Variants in ABCD2 observed in about 807,000 individuals in gnomAD.
ABCD2 encodes ATP-binding cassette sub-family D member 2.
A neutral mutation model predicts 70.9 loss-of-function variants in ABCD2; 36 were observed. The observed-to-expected ratio is 0.51, with a 90% CI of 0.39 to 0.67. The LOEUF (loss-of-function observed/expected upper bound fraction) is 0.67, where lower values mean the gene tolerates loss of function less well. Among genes scored for constraint, ABCD2 ranks in the 30% least tolerant of loss-of-function variants. The probability of loss-of-function intolerance (pLI) is 0.00; values close to 1 mark genes in which losing one functional copy is unlikely to be tolerated. For missense variants in ABCD2, 729 were observed against 890.2 expected (o/e 0.82, Z 2.30); for synonymous variants, 304 against 306.9 (o/e 0.99, Z 0.10).
chr12:39,549,689 T>C (rs1036470043), downstream of ABCD2, among the ~76,000 whole-genome samples: 5 of 151,966 alleles, frequency 3.3e-5, no homozygotes, highest in African/African-American at 1.2e-4. Flanking sequence ...GTAAAAATTA[T>C]ACTTAATATT....
At chr12:39,544,611 C>T in the ABCD2 span, among the ~76,000 whole-genome samples, 4 of 152,096 alleles carry the variant, frequency 2.6e-5, no homozygotes, top group Non-Finnish European at 5.9e-5. Context: ...TCACTGTCTC[C>T]GTCATAATTT....
intron 6 of ABCD2, among the ~76,000 whole-genome samples, chr12:39,595,869 T>A (rs374654334): frequency 1.3e-5 from 2 of 152,176 alleles, no homozygotes; most frequent in Non-Finnish European, 2.9e-5. Context: ...AGAGAGCAGG[T>A]TGAGCTCCTT....
rs369664152 is a variant in ABCD2, at chr12:39,562,169, A to G, written c.2004-8038T>C. On this transcript the variant is annotated intron_variant, in intron 9 of 9. Coordinates refer to ENST00000308666, the MANE Select transcript of ABCD2 (RefSeq NM_005164.4). ...CAAAAATGGAAACACAACATACCAA[A>G]TCTGTAGAATACAGCAAAAGCAATT... 3.9e-5 allele frequency among the ~76,000 whole-genome samples: 6 copies of G among 152,262 alleles called. No individual in the cohort carries two copies. The South Asian group carries it at 6.2e-4, about 16-fold the overall frequency.
chr12:39,573,650 CA>C (rs1353097776), intron 9 of ABCD2, 65 bp downstream of exon 9: 5 of 1,549,428 alleles, frequency 3.2e-6, no homozygotes, highest in Non-Finnish European at 4.4e-6. Context: ...AAAAATTTAG[CA>C]AAGTTATTTT....
chr12:39,560,020 TTTTA>T (rs1156820224), intron 9 of ABCD2, among the ~76,000 whole-genome samples: 3 of 152,222 alleles, frequency 2.0e-5, no homozygotes, highest in Non-Finnish European at 4.4e-5. Context: ...TATTTCTTTT[TTTTA>T]TTATACTTTA....
At chr12:39,587,011 G>C (rs1305974203) in intron 6 of ABCD2, among the ~76,000 whole-genome samples, 1 of 152,188 alleles carries the variant, frequency 6.6e-6, no homozygotes, top group Non-Finnish European at 1.5e-5. Flanking sequence ...AACTCTTACA[G>C]AGGGGATTTG....
At chr12:39,535,400 TCTGA>T in the ABCD2 span, among the ~76,000 whole-genome samples, 1 of 152,226 alleles carries the variant, frequency 6.6e-6, no homozygotes, top group African/African-American at 2.4e-5. Context: ...TTAAAAGTTT[TCTGA>T]CTTTCAAACT....
chr12:39,560,337 A>T (rs1315493687), intron 9 of ABCD2, among the ~76,000 whole-genome samples: 3 of 152,196 alleles, frequency 2.0e-5, no homozygotes, highest in African/African-American at 7.2e-5. Context: ...AAAGGACATG[A>T]ACTCATCCTT....
chr12:39,600,532 A>T (rs1464618247), intron 6 of ABCD2, 39 bp downstream of exon 6: 1 of 1,503,166 alleles, frequency 6.7e-7, no homozygotes, highest in Admixed American at 2.2e-5. Context: ...TCAAGAGCAA[A>T]AGGAAATTGT....
At chr12:39,588,485 C>T (rs952485256) in intron 6 of ABCD2, among the ~76,000 whole-genome samples, 1 of 152,024 alleles carries the variant, frequency 6.6e-6, no homozygotes, top group Non-Finnish European at 1.5e-5. Context: ...GAGTTACTGC[C>T]GCCACAAACG....
At chr12:39,534,924 GAAAGAA>G in the ABCD2 span, among the ~76,000 whole-genome samples, 1 of 97,160 alleles carries the variant, frequency 1.0e-5, no homozygotes, top group Non-Finnish European at 1.9e-5. Context: ...AAGAAAGAAA[GAAAGAA>G]AGAAAGAAAG....
chr12:39,538,610 T>C, the ABCD2 span, among the ~76,000 whole-genome samples: 7 of 152,172 alleles, frequency 4.6e-5, no homozygotes, highest in African/African-American at 1.4e-4. Flanking sequence ...TTTGCCAACG[T>C]CTTCCATTAA....
intron 3 of ABCD2, among the ~76,000 whole-genome samples, 166 bp from the exon 4 acceptor site, chr12:39,605,096 GA>G (rs1941952215): frequency 6.6e-6 from 1 of 151,934 alleles, no homozygotes; most frequent in African/African-American, 2.4e-5. Context: ...CAGTACAAAA[GA>G]GCACTATAAC....
intron 3 of ABCD2, among the ~76,000 whole-genome samples, chr12:39,605,990 T>G (rs948932113): frequency 9.2e-5 from 14 of 152,202 alleles, no homozygotes; most frequent in African/African-American, 3.1e-4. Flanking sequence ...TTATAGCTAT[T>G]TAAATGATGA....
intron 6 of ABCD2, among the ~76,000 whole-genome samples, chr12:39,599,856 G>C (rs900497272): frequency 6.6e-6 from 1 of 152,196 alleles, no homozygotes; most frequent in African/African-American, 2.4e-5. Flanking sequence ...TCTATGGGAT[G>C]TCTATGTATC....
chr12:39,589,657 G>A (rs1209503721), intron 6 of ABCD2, among the ~76,000 whole-genome samples: 2 of 152,050 alleles, frequency 1.3e-5, no homozygotes. Context: ...AAAGTGCTGG[G>A]ATTACAGGTG....
At chr12:39,536,796 G>A in the ABCD2 span, among the ~76,000 whole-genome samples, 6,639 of 152,188 alleles carry the variant, frequency 0.044, 472 homozygotes, top group African/African-American at 0.15. Flanking sequence ...TTGAGTGTGT[G>A]TGTTTGTTTT....
chr12:39,557,193 ATCT>A (rs1211674415), intron 9 of ABCD2, among the ~76,000 whole-genome samples: 1 of 152,156 alleles, frequency 6.6e-6, no homozygotes, highest in Non-Finnish European at 1.5e-5. Flanking sequence ...GAAGATGAGA[ATCT>A]TCTTGGGAAC....
chr12:39,596,739 T>C (rs1420458513), intron 6 of ABCD2, among the ~76,000 whole-genome samples: 2 of 152,162 alleles, frequency 1.3e-5, no homozygotes, highest in Non-Finnish European at 2.9e-5. Context: ...TTTTTCAAGA[T>C]ATTTCTGCCA....
Sources: allele counts gnomAD v4.1 joint callset (sites outside exome capture counted in the v4.1 genomes callset), GRCh38; gene constraint gnomAD v4.1.1; transcripts MANE v1.5; gene names NCBI Gene and HGNC (gene_info 2026-07-23, HGNC 2026-07-21).